PPP2R5E: variants seen among roughly 807,000 people sequenced by gnomAD.
The protein encoded by PPP2R5E is serine/threonine-protein phosphatase 2A 56 kDa regulatory subunit epsilon isoform.
In PPP2R5E, 4 loss-of-function variants were observed where a neutral mutation model predicts 65.3. The observed-to-expected ratio is 0.06, with a 90% confidence interval of 0.03 to 0.14. The LOEUF (loss-of-function observed/expected upper bound fraction) is 0.14, where lower values mean the gene tolerates loss of function less well. Ranked by LOEUF, PPP2R5E falls within the 10% of genes least tolerant of loss-of-function variation. The pLI, the probability that PPP2R5E is intolerant of heterozygous loss-of-function variation, is 1.00. For synonymous variants in PPP2R5E, 183 were observed against 187.4 expected, an observed-to-expected ratio of 0.98 and a Z score of 0.19; for missense variants, 274 against 556.1, an observed-to-expected ratio of 0.49 and a Z score of 5.10.
At chr14:63,483,629 T>C (rs1890821959) in intron 2 of PPP2R5E, among the ~76,000 whole-genome samples, 1 of 152,082 alleles carries the variant, frequency 6.6e-6, no homozygotes, top group Admixed American at 6.6e-5. Flanking sequence ...CATTTTCTGC[T>C]GTGGGGTCCA....
chr14:63,433,009 AGTTTTGTTTTTTGTTTT>A (rs1887757546), intron 3 of PPP2R5E, among the ~76,000 whole-genome samples: 1 of 145,646 alleles, frequency 6.9e-6, no homozygotes, highest in South Asian at 2.2e-4. Context: ...CGCCACATAC[AGTTTTGTTTTTTGTTTT>A]GTTTTGTTTT....
At chr14:63,418,081 C>T (rs1365620513) in intron 4 of PPP2R5E, among the ~76,000 whole-genome samples, 1 of 152,146 alleles carries the variant, frequency 6.6e-6, no homozygotes, top group Admixed American at 6.5e-5. Flanking sequence ...AGAAAAATTT[C>T]TTTCCTAATG....
chr14:63,521,053 G>C (rs895777139), intron 2 of PPP2R5E, among the ~76,000 whole-genome samples: 2 of 151,280 alleles, frequency 1.3e-5, no homozygotes, highest in African/African-American at 4.9e-5. Flanking sequence ...AAAAGAAAAA[G>C]AAAAACACAT....
At chr14:63,542,334 T>C (rs1341253300) in intron 1 of PPP2R5E, among the ~76,000 whole-genome samples, 1 of 151,988 alleles carries the variant, frequency 6.6e-6, no homozygotes, top group African/African-American at 2.4e-5. Flanking sequence ...GGCATTTCCA[T>C]GGCTCAGGAT....
chr14:63,464,487 G>C (rs138377283), intron 2 of PPP2R5E, among the ~76,000 whole-genome samples: 1,935 of 152,256 alleles, frequency 0.013, 38 homozygotes, highest in African/African-American at 0.045. Flanking sequence ...GGAGCATGCT[G>C]GTGAATCTGA....
chr14:63,520,859 CAAAA>C (rs748146106), intron 2 of PPP2R5E, among the ~76,000 whole-genome samples: 40 of 58,520 alleles, frequency 6.8e-4, no homozygotes, highest in African/African-American at 1.5e-3. Flanking sequence ...ACTAAAAATA[CAAAA>C]AAAAAAAAAA....
At chr14:63,466,482 C>A (rs532868760) in intron 2 of PPP2R5E, among the ~76,000 whole-genome samples, 22 of 152,166 alleles carry the variant, frequency 1.4e-4, no homozygotes, top group African/African-American at 4.3e-4. Context: ...CAGTAAAATC[C>A]AGGGATGGCA....
chr14:63,522,153 C>A (rs1013247459), intron 2 of PPP2R5E, among the ~76,000 whole-genome samples: 20 of 152,218 alleles, frequency 1.3e-4, no homozygotes, highest in Middle Eastern at 3.4e-3. Flanking sequence ...GCTGTGTTGG[C>A]CGGGCTGGTC....
chr14:63,524,260 C>T (rs1214651169), intron 2 of PPP2R5E, among the ~76,000 whole-genome samples: 1 of 152,168 alleles, frequency 6.6e-6, no homozygotes. Context: ...TGAACTTTTG[C>T]CAGATTGCTT....
intron 2 of PPP2R5E, among the ~76,000 whole-genome samples, chr14:63,508,472 C>T (rs563666120): frequency 8.1e-4 from 123 of 152,286 alleles, no homozygotes; most frequent in Non-Finnish European, 1.2e-3. Context: ...GCTAACATTT[C>T]CTGAGCATCT....
chr14:63,395,400 GAGGAGAGC>G, intron 6 of PPP2R5E, 115 bp from the exon 7 acceptor site: 1 of 427,368 alleles, frequency 2.3e-6, no homozygotes, highest in African/African-American at 3.1e-5. Flanking sequence ...GGAGGAGGAG[GAGGAGAGC>G]GGGGAAGAGA....
intron 2 of PPP2R5E, among the ~76,000 whole-genome samples, chr14:63,478,541 CT>C (rs1890523959): frequency 1.3e-5 from 2 of 152,078 alleles, no homozygotes; most frequent in Non-Finnish European, 2.9e-5. Context: ...CCCACTTTTG[CT>C]TCAATTTCCT....
chr14:63,537,176 TTTAA>T (rs1279474608), intron 2 of PPP2R5E, among the ~76,000 whole-genome samples: 1 of 152,156 alleles, frequency 6.6e-6, no homozygotes, highest in Admixed American at 6.6e-5. Context: ...GAAGTCCTAA[TTTAA>T]TTGTTTACCA....
intron 2 of PPP2R5E, among the ~76,000 whole-genome samples, chr14:63,456,129 T>C (rs535239334): frequency 6.6e-6 from 1 of 152,238 alleles, no homozygotes; most frequent in Non-Finnish European, 1.5e-5. Context: ...TTTTAATTAA[T>C]TCAATATTTG....
chr14:63,406,054 T>C (rs1354847118), intron 5 of PPP2R5E, among the ~76,000 whole-genome samples: 1 of 152,234 alleles, frequency 6.6e-6, no homozygotes, highest in East Asian at 1.9e-4. Flanking sequence ...CCAGTCATAC[T>C]ATTCTAGAAT....
intron 2 of PPP2R5E, among the ~76,000 whole-genome samples, chr14:63,537,471 G>A (rs1226905890): frequency 6.6e-6 from 1 of 151,934 alleles, no homozygotes; most frequent in African/African-American, 2.4e-5. Flanking sequence ...CTCCCCCAAA[G>A]CTCACAGGAG....
At position 63,430,764 on chromosome 14, in the gene PPP2R5E, G is replaced by A. The variant is rs17825003; in HGVS notation, c.355-8670C>T. ...CAAAATCTGTAAGCTTTCAATTACC[G>A]CTTAATTTAATTCACTGGTAATTTG... On this transcript the variant is annotated intron_variant, in intron 3 of 13. Transcript: ENST00000337537. Among the ~76,000 whole-genome samples, 1,200 of 152,216 alleles carry A rather than the reference G, an allele frequency of 7.9e-3. 38 individuals are homozygous for A. The East Asian group carries it at 0.11, about 14-fold the overall frequency.
intron 12 of PPP2R5E, among the ~76,000 whole-genome samples, 179 bp downstream of exon 12, chr14:63,384,265 C>T (rs908704389): frequency 5.9e-5 from 9 of 152,120 alleles, no homozygotes; most frequent in Admixed American, 2.0e-4. Context: ...ATACTTTAAC[C>T]GGTATTTTGT....
At chr14:63,417,336 T>C (rs1886756440) in intron 4 of PPP2R5E, among the ~76,000 whole-genome samples, 1 of 152,216 alleles carries the variant, frequency 6.6e-6, no homozygotes, top group Admixed American at 6.5e-5. Flanking sequence ...TAATTCTAAA[T>C]TCTGCATTAA....
Sources: allele counts gnomAD v4.1 joint callset (sites outside exome capture counted in the v4.1 genomes callset), GRCh38; gene constraint gnomAD v4.1.1; transcripts MANE v1.5; gene names NCBI Gene and HGNC (gene_info 2026-07-23, HGNC 2026-07-21).